Variants in RFFL observed in about 807,000 individuals in gnomAD.
RFFL encodes E3 ubiquitin-protein ligase rififylin.
In RFFL, 16 loss-of-function variants were observed where a neutral mutation model predicts 40.4. The observed-to-expected ratio is 0.40, with a 90% CI of 0.27 to 0.60. The LOEUF (loss-of-function observed/expected upper bound fraction) is 0.60, where lower values mean the gene tolerates loss of function less well. Among genes scored for constraint, RFFL ranks in the 20% least tolerant of loss-of-function variants. The probability of loss-of-function intolerance (pLI) is 0.47; values close to 1 mark genes in which losing one functional copy is unlikely to be tolerated. For synonymous variants in RFFL, 154 were observed against 167.9 expected (o/e 0.92, Z 0.64); for missense variants, 367 against 451.7 (o/e 0.81, Z 1.70).
At position 35,006,421 on chromosome 17, in the gene RFFL, C is replaced by G. The variant is rs936247050; in HGVS notation, c.*5547G>C. On this transcript the variant is annotated 3_prime_UTR_variant, in exon 7 of 7. Coordinates refer to ENST00000394597, the MANE Select transcript of RFFL (RefSeq NM_001017368.2). ...AATGGCTCTAACCTTAGGCAAGTTACGTTAACATCTAAGCCTCAATCCCTC... is the reference window on the plus strand; with the variant it reads ...AATGGCTCTAACCTTAGGCAAGTTAGGTTAACATCTAAGCCTCAATCCCTC... 1.3e-5 allele frequency: 2 copies of G among 152,316 alleles called. No homozygotes were observed. Among genetic ancestry groups the G allele is most frequent in the Non-Finnish European group, 2.9e-5 (2 of 68,152 alleles). 9.4% of individuals were successfully genotyped at this position (152,316 alleles called of 1,614,324 possible).
intron 1 of RFFL, among the ~76,000 whole-genome samples, chr17:35,038,204 G>A (rs1036383192): frequency 4.7e-5 from 7 of 149,916 alleles, no homozygotes; most frequent in Admixed American, 2.0e-4. Context: ...CAGAAGAATC[G>A]CTTGAACCTG....
chr17:35,023,425 C>A (rs1313062374), intron 2 of RFFL, among the ~76,000 whole-genome samples: 1 of 152,204 alleles, frequency 6.6e-6, no homozygotes, highest in Non-Finnish European at 1.5e-5. Context: ...TATCAAGCTC[C>A]CTAATTCTCC....
chr17:35,016,537 G>C lies in RFFL; in HGVS notation c.719C>G (p.Ser240Cys). 1 of 1,614,182 alleles carries C rather than the reference G, an allele frequency of 6.2e-7. No individual in the cohort carries two copies. Among genetic ancestry groups the C allele is most frequent in the Non-Finnish European group, 8.5e-7 (1 of 1,180,026 alleles). ...EDSFVPGRRA[S>C]LSDLTDLEDI... ...CTCCAGGTCAGTCAGGTCAGACAGA[G>C]AGGCCCTTCGGCCTGGGACAAAGCT... The change falls in exon 5 of 7, where the codon TCT (serine) becomes TGT (cysteine). Residue 240 changes from serine to cysteine, a missense_variant. Physicochemically the swap from Ser to Cys is moderately radical, Grantham distance 112. Transcript: ENST00000394597.
chr17:35,021,429 G>T lies in RFFL; in HGVS notation c.533C>A (p.Pro178His). 1 of 1,540,194 alleles carries T rather than the reference G, an allele frequency of 6.5e-7. No individual in the cohort carries two copies. Among genetic ancestry groups the T allele is most frequent in the Non-Finnish European group, 8.7e-7 (1 of 1,147,086 alleles). The change falls in exon 3 of 7, where the codon CCC (proline) becomes CAC (histidine). Residue 178 changes from proline (P) to histidine (H), a missense_variant. Physicochemically the swap from Pro to His is moderately conservative, Grantham distance 77. Transcript: ENST00000394597. The part of the protein sequence containing the change: ...SMVPPTSPNL[P>H]SSSAQATSVP... ...AGAGGTGGCTTGTGCAGATGAAGAG[G>T]GGAGGTTGGGTGAGGTAGGTGGAAC...
chr17:35,072,580 C>T (rs2091356240), intron 1 of RFFL, among the ~76,000 whole-genome samples: 1 of 147,288 alleles, frequency 6.8e-6, no homozygotes, highest in Admixed American at 6.6e-5. Flanking sequence ...CACACACACA[C>T]ACACATGCAC....
upstream of RFFL, among the ~76,000 whole-genome samples, chr17:35,066,901 A>C (rs2091323342): frequency 6.6e-6 from 1 of 151,316 alleles, no homozygotes; most frequent in Admixed American, 6.6e-5. Context: ...AGAACATAGT[A>C]TTTAAGAAAA....
Position 35,045,536 on chromosome 17 carries a change from T to C in RFFL, c.-9+18040A>G, listed in dbSNP as rs369671124. Among the ~76,000 whole-genome samples the C allele has an allele frequency of 2.0e-4, 31 of 152,226 alleles. No homozygotes were observed. In the South Asian group the frequency reaches 3.5e-3, roughly 17 times the overall value. The stretch of plus-strand genomic sequence containing the variant: ...GGCATGAGCCACCATGCCCGGCCTA[T>C]ATAATTCTTTTTAAAGTATTTTTCT... On this transcript the variant is annotated intron_variant, in intron 1 of 6. Transcript: ENST00000394597.
At chr17:35,049,013 A>T (rs1426574900) in intron 1 of RFFL, among the ~76,000 whole-genome samples, 1 of 152,148 alleles carries the variant, frequency 6.6e-6, no homozygotes, top group Non-Finnish European at 1.5e-5. Context: ...TTGTATTTTC[A>T]CCATATTCTC....
chr17:35,043,764 T>C (rs2091180779), intron 1 of RFFL, among the ~76,000 whole-genome samples: 6 of 152,234 alleles, frequency 3.9e-5, no homozygotes, highest in Admixed American at 3.9e-4. Flanking sequence ...TTTGCATCTG[T>C]TGTCTTATTT....
At position 35,009,557 on chromosome 17, in the gene RFFL, A is replaced by C. The variant is rs558122471; in HGVS notation, c.*2411T>G. On this transcript the variant is annotated 3_prime_UTR_variant, in exon 7 of 7. Transcript: ENST00000394597. ...ACTGGAATGGGATCTTGGAACTCCC[A>C]ACTTTAATTTGGTGTAATAAAAATG... 6.6e-6 allele frequency: 1 copy of C among 152,214 alleles called. No individual in the cohort carries two copies. Among genetic ancestry groups the C allele is most frequent in the African/African-American group, 2.4e-5 (1 of 41,508 alleles). 9.4% of individuals were successfully genotyped at this position (152,214 alleles called of 1,614,324 possible).
chr17:35,066,103 A>G (rs1283738772), upstream of RFFL, among the ~76,000 whole-genome samples: 1 of 152,204 alleles, frequency 6.6e-6, no homozygotes, highest in Non-Finnish European at 1.5e-5. Context: ...AGCCCAGGCG[A>G]CAGAAGGAGA....
At chr17:35,023,382 A>G (rs1019961930) in intron 2 of RFFL, among the ~76,000 whole-genome samples, 1 of 152,232 alleles carries the variant, frequency 6.6e-6, no homozygotes. Flanking sequence ...AGTTTTGGCT[A>G]TTAAGACTTA....
intron 3 of RFFL, among the ~76,000 whole-genome samples, chr17:35,020,887 T>C (rs2091004408): frequency 6.6e-6 from 1 of 152,188 alleles, no homozygotes; most frequent in Non-Finnish European, 1.5e-5. Context: ...AGCCAGTGAC[T>C]GGTAAGAGAA....
intron 1 of RFFL, among the ~76,000 whole-genome samples, chr17:35,070,612 A>G (rs1407900757): frequency 1.3e-5 from 2 of 152,208 alleles, no homozygotes; most frequent in Non-Finnish European, 2.9e-5. Context: ...TTAACAAGAA[A>G]TTCACAGTTT....
chr17:35,087,179 C>A (rs1487099586), intron 1 of RFFL, among the ~76,000 whole-genome samples: 2 of 152,046 alleles, frequency 1.3e-5, no homozygotes, highest in Admixed American at 1.3e-4. Flanking sequence ...GGCAAAACCT[C>A]ATCTCTACAG....
intron 2 of RFFL, 51 bp downstream of exon 2, chr17:35,026,323 C>A: frequency 6.3e-7 from 1 of 1,587,058 alleles, no homozygotes; most frequent in Non-Finnish European, 8.6e-7. Context: ...TGGCGCTTGC[C>A]CATGGTCCAT....
chr17:35,078,282 C>T (rs893796928), intron 1 of RFFL, among the ~76,000 whole-genome samples: 3 of 152,092 alleles, frequency 2.0e-5, no homozygotes, highest in Non-Finnish European at 4.4e-5. Context: ...ATGTAATCTC[C>T]AATAAAGAAG....
chr17:35,020,312 C>T (rs1368029519), intron 3 of RFFL, among the ~76,000 whole-genome samples: 4 of 151,814 alleles, frequency 2.6e-5, no homozygotes, highest in Non-Finnish European at 5.9e-5. Context: ...GTTGGGAACC[C>T]GGATGCACAG....
intron 1 of RFFL, among the ~76,000 whole-genome samples, chr17:35,073,159 G>A (rs1487815384): frequency 6.6e-6 from 1 of 152,108 alleles, no homozygotes. Context: ...TCTCTACTAT[G>A]CAGGAGAGAT....
Sources: gnomAD v4.1 joint callset for allele counts (sites outside exome capture counted in the v4.1 genomes callset) on GRCh38, gnomAD v4.1.1 for gene constraint, MANE v1.5 for transcripts, NCBI Gene and HGNC (gene_info 2026-07-23, HGNC 2026-07-21) for gene names.